Variants in DSCAM observed in about 807,000 individuals in gnomAD.
DSCAM encodes the protein DS cell adhesion molecule, also known as cell adhesion molecule DSCAM.
DSCAM carries 47 observed loss-of-function variants against 217.7 expected under a neutral mutation model. The observed-to-expected ratio is 0.22, with a 90% confidence interval of 0.17 to 0.28. The LOEUF (loss-of-function observed/expected upper bound fraction) is 0.28. DSCAM is among the 10% of genes least tolerant of loss of function. The pLI, the probability that DSCAM is intolerant of heterozygous loss-of-function variation, is 1.00. For missense variants in DSCAM, 2,080 were observed against 2,618.3 expected (o/e 0.79, Z 4.49); for synonymous variants, 1,056 against 1,015.3 (o/e 1.04, Z -0.76).
At chr21:40,371,088 A>T (rs562108971) in intron 3 of DSCAM, among the ~76,000 whole-genome samples, 2 of 152,234 alleles carry the variant, frequency 1.3e-5, no homozygotes, top group South Asian at 4.1e-4. Flanking sequence ...GGTAGTATAA[A>T]ATATCTTTAA....
chr21:40,350,248 C>T (rs1462445223), intron 5 of DSCAM, among the ~76,000 whole-genome samples: 1 of 152,144 alleles, frequency 6.6e-6, no homozygotes, highest in Non-Finnish European at 1.5e-5. Context: ...ATGACTAAAA[C>T]ACCAAAAGCA....
At chr21:40,527,222 G>A (rs1264472419) in intron 3 of DSCAM, among the ~76,000 whole-genome samples, 2 of 152,126 alleles carry the variant, frequency 1.3e-5, no homozygotes, top group Non-Finnish European at 2.9e-5. Context: ...TATGGTAGAT[G>A]CCAAAAATAG....
At chr21:40,160,134 G>A (rs922650384) in intron 16 of DSCAM, among the ~76,000 whole-genome samples, 2 of 152,064 alleles carry the variant, frequency 1.3e-5, no homozygotes, top group African/African-American at 2.4e-5. Flanking sequence ...AGCACTGGGA[G>A]GTGAGGAGAG....
At position 40,296,086 on chromosome 21, in the gene DSCAM, A is replaced by G. The variant is rs2073950920; in HGVS notation, c.2151T>C (p.Pro717=). The G allele has an allele frequency of 1.9e-6, 3 of 1,614,004 alleles. No homozygotes were observed. Among genetic ancestry groups the G allele is most frequent in the Non-Finnish European group, 2.5e-6 (3 of 1,179,986 alleles). Residue 717 remains proline, a synonymous_variant, in exon 10 of 33, where the codon CCT becomes CCC. Transcript: ENST00000400454. ...AGAATTTCCACACGATGGTAGGTAC[A>G]GGGTAACCCTCAGCAGAACAATTGA... ...VILNCSAEGY[P]VPTIVWKFSK...
chr21:40,401,549 T>C (rs1947815817), intron 3 of DSCAM, among the ~76,000 whole-genome samples: 1 of 152,200 alleles, frequency 6.6e-6, no homozygotes, highest in Admixed American at 6.5e-5. Context: ...AAGTGAATGA[T>C]ATCTCAATAT....
At chr21:40,405,059 C>G (rs1208869017) in intron 3 of DSCAM, among the ~76,000 whole-genome samples, 1 of 152,150 alleles carries the variant, frequency 6.6e-6, no homozygotes, top group Non-Finnish European at 1.5e-5. Context: ...TCCCGTATAA[C>G]AGAAGCCATG....
rs781195836 is a variant in DSCAM at position 40,338,162 on chromosome 21, C to T, written c.1722G>A (p.Thr574=). Residue 574 remains threonine, a synonymous_variant, in exon 8 of 33, where the codon ACG becomes ACA. Transcript: ENST00000400454. ...GTTGTGGTTGAACCAACACGTTGCA[C>T]GTGTACTCCCCCTCGTCCACTTCCT... The part of the protein sequence containing the change: ...VQKEVDEGEY[T]CNVLVQPQLS... 6 of 1,614,258 alleles carry T rather than the reference C, an allele frequency of 3.7e-6. No homozygotes were observed. Among genetic ancestry groups the T allele is most frequent in the South Asian group, 3.3e-5 (3 of 91,092 alleles).
intron 3 of DSCAM, among the ~76,000 whole-genome samples, chr21:40,638,531 A>G (rs939298526): frequency 6.6e-6 from 1 of 152,214 alleles, no homozygotes; most frequent in African/African-American, 2.4e-5. Context: ...TAAAATTTAA[A>G]TATAAGATAG....
At chr21:40,064,371 C>G (rs1312869228) in intron 27 of DSCAM, among the ~76,000 whole-genome samples, 2 of 152,100 alleles carry the variant, frequency 1.3e-5, no homozygotes, top group Non-Finnish European at 2.9e-5. Context: ...TTTCCTCATT[C>G]TGCCCGCCAC....
At chr21:40,283,715 A>G (rs1034199415) in intron 10 of DSCAM, among the ~76,000 whole-genome samples, 4 of 152,210 alleles carry the variant, frequency 2.6e-5, no homozygotes, top group Admixed American at 1.3e-4. Context: ...TGCATCCTTA[A>G]TTTCATCATA....
chr21:40,213,249 C>T (rs1015396476), intron 11 of DSCAM, among the ~76,000 whole-genome samples: 1 of 152,168 alleles, frequency 6.6e-6, no homozygotes, highest in Admixed American at 6.5e-5. Context: ...ATCAAGGCTT[C>T]TAGGGCATAT....
chr21:40,029,678 C>T (rs771812371), intron 32 of DSCAM, among the ~76,000 whole-genome samples: 6 of 152,122 alleles, frequency 3.9e-5, no homozygotes, highest in Admixed American at 6.6e-5. Context: ...GGCTGGCCAC[C>T]GTATTCTCAG....
In DSCAM at chr21:40,055,971, G is replaced by T. The variant is rs115204168; in HGVS notation, c.4920-131C>A. 3,390 of 574,862 alleles carry T rather than the reference G, an allele frequency of 5.9e-3. 82 individuals are homozygous for T. Among genetic ancestry groups the T allele is most frequent in the African/African-American group, 0.055 (2,991 of 54,800 alleles). The allele number at this position is 574,862 out of a possible 1,614,324, so 35.6% of individuals were successfully genotyped here. On this transcript the variant is annotated intron_variant, in intron 28 of 32. Transcript: ENST00000400454. ...CCTTGTGAGGAGGGGAACAGAAAACGTACATACTATGAAAACGTTTCCTTC... is the reference window on the plus strand; with the variant it reads ...CCTTGTGAGGAGGGGAACAGAAAACTTACATACTATGAAAACGTTTCCTTC...
intron 3 of DSCAM, among the ~76,000 whole-genome samples, chr21:40,428,184 C>T (rs2075494086): frequency 1.3e-5 from 2 of 151,658 alleles, no homozygotes; most frequent in Admixed American, 6.6e-5. Context: ...ACTCTTCATT[C>T]TCCCAACAAA....
intron 20 of DSCAM, among the ~76,000 whole-genome samples, chr21:40,116,606 T>C (rs965851227): frequency 1.3e-5 from 2 of 151,962 alleles, no homozygotes; most frequent in African/African-American, 4.8e-5. Flanking sequence ...GTCTCATGTA[T>C]ATGATTCATT....
rs73902628 is a variant in DSCAM at position 40,451,095 on chromosome 21, G to A, written c.509-81850C>T. 1.2e-3 allele frequency among the ~76,000 whole-genome samples: 181 copies of A among 152,286 alleles called. 1 individual carries two copies. Among genetic ancestry groups the A allele is most frequent in the African/African-American group, 3.8e-3 (157 of 41,564 alleles). The stretch of plus-strand genomic sequence containing the variant: ...GGGGGCAGGAAGGCCAAAGATTTCC[G>A]AGATGCTTTGCAAGTCATCTCTGGG... On this transcript the variant is annotated intron_variant, in intron 3 of 32. Coordinates refer to ENST00000400454, the MANE Select transcript of DSCAM (RefSeq NM_001389.5).
chr21:40,733,803 G>C (rs2091036477), intron 1 of DSCAM, among the ~76,000 whole-genome samples: 1 of 152,186 alleles, frequency 6.6e-6, no homozygotes, highest in Admixed American at 6.5e-5. Context: ...GTGGTTGGGG[G>C]AAGGGCTCCA....
chr21:40,339,087 G>A (rs1199147898), intron 7 of DSCAM, 32 bp downstream of exon 7: 5 of 1,608,328 alleles, frequency 3.1e-6, no homozygotes, highest in Middle Eastern at 1.7e-4. Flanking sequence ...TGAGTTATGT[G>A]TGTTTTTTTG....
rs752700636 is a variant in DSCAM at position 40,080,213 on chromosome 21, G to A, written c.4359C>T (p.Ala1453=). Residue 1453 remains alanine (A), a synonymous_variant, in exon 25 of 33, where the codon GCC becomes GCT. Coordinates refer to ENST00000400454, the MANE Select transcript of DSCAM (RefSeq NM_001389.5). ...CGTWYKFTLT[A]QNGVGPGRIS... The stretch of plus-strand genomic sequence containing the variant: ...TGCGCCCTGGGCCCACTCCATTTTG[G>A]GCTGTCAGTGTGAACTTATACCAAG... The A allele has an allele frequency of 5.0e-6, 8 of 1,613,060 alleles. No individual in the cohort carries two copies. The South Asian group carries it at 7.7e-5, about 16-fold the overall frequency.
Sources: gnomAD v4.1 joint callset for allele counts (sites outside exome capture counted in the v4.1 genomes callset) on GRCh38, gnomAD v4.1.1 for gene constraint, MANE v1.5 for transcripts, NCBI Gene and HGNC (gene_info 2026-07-23, HGNC 2026-07-21) for gene names.